The following FHIP1A variants were observed in gnomAD, a reference collection of about 807,000 sequenced individuals.
The protein encoded by FHIP1A is FHF complex subunit HOOK-interacting protein 1A.
FHIP1A carries 61 observed loss-of-function variants against 88.6 expected under a neutral mutation model. That is an observed-to-expected ratio of 0.69 (90% CI 0.56 to 0.85). The LOEUF is 0.85. Among genes scored for constraint, FHIP1A ranks in the 40% least tolerant of loss-of-function variants. FHIP1A has a pLI of 0.00. For missense variants in FHIP1A, 1,154 were observed against 1,273.5 expected (o/e 0.91, Z 1.43); for synonymous variants, 478 against 496.0 (o/e 0.96, Z 0.48).
chr4:151,495,374 C>T (rs764211117), intron 3 of FHIP1A, among the ~76,000 whole-genome samples: 8 of 151,602 alleles, frequency 5.3e-5, no homozygotes, highest in Non-Finnish European at 1.0e-4. Flanking sequence ...TGGTAGCACG[C>T]GCCTGTAGTC....
intron 7 of FHIP1A, among the ~76,000 whole-genome samples, chr4:151,605,237 A>G (rs955084977): frequency 3.0e-4 from 46 of 152,270 alleles, no homozygotes; most frequent in African/African-American, 1.1e-3. Context: ...AGGGTAGGGT[A>G]GTCTTTTGTT....
intron 3 of FHIP1A, among the ~76,000 whole-genome samples, chr4:151,503,833 C>G (rs1730733577): frequency 6.6e-6 from 1 of 152,190 alleles, no homozygotes; most frequent in South Asian, 2.1e-4. Flanking sequence ...AGCATAGACT[C>G]CCTGTGGGCA....
chr4:151,463,568 C>T (rs986087504), intron 2 of FHIP1A, among the ~76,000 whole-genome samples: 5 of 152,172 alleles, frequency 3.3e-5, no homozygotes, highest in African/African-American at 7.2e-5. Context: ...TAAAGCTACT[C>T]GTAAAATATA....
chr4:151,644,230 C>T (rs1578855179), intron 9 of FHIP1A, among the ~76,000 whole-genome samples: 1 of 152,196 alleles, frequency 6.6e-6, no homozygotes, highest in Admixed American at 6.5e-5. Context: ...GACAGATTTT[C>T]CCAGCTCTCA....
At chr4:151,613,215 T>C (rs907932478) in intron 7 of FHIP1A, among the ~76,000 whole-genome samples, 1 of 152,248 alleles carries the variant, frequency 6.6e-6, no homozygotes, top group Non-Finnish European at 1.5e-5. Context: ...CAAATCCTAT[T>C]ATTCCTGGGA....
At chr4:151,455,897 T>C (rs546097375) in intron 2 of FHIP1A, among the ~76,000 whole-genome samples, 1 of 152,326 alleles carries the variant, frequency 6.6e-6, no homozygotes, top group South Asian at 2.1e-4. Context: ...TAAAACACAG[T>C]TCCTGTTGAA....
At chr4:151,595,601 A>G (rs367829139) in intron 7 of FHIP1A, among the ~76,000 whole-genome samples, 1 of 152,156 alleles carries the variant, frequency 6.6e-6, no homozygotes, top group Non-Finnish European at 1.5e-5. Context: ...TGTCTCATTG[A>G]TCTGTCTAAT....
intron 3 of FHIP1A, among the ~76,000 whole-genome samples, chr4:151,536,527 T>TA (rs1438234678): frequency 4.6e-5 from 7 of 152,186 alleles, no homozygotes; most frequent in African/African-American, 1.7e-4. Context: ...ATTTTATCGT[T>TA]AAAAAATGTT....
In FHIP1A at chr4:151,447,050, T is replaced by C. The variant is rs746328777; in HGVS notation, c.-355-7651T>C. On this transcript the variant is annotated intron_variant, in intron 1 of 13. Transcript: ENST00000435205. ...CTTTTTTCCATTTAATGATTTACCC[T>C]GAAGTTAACCTAAGGGATATTTTCT... 2.0e-4 allele frequency among the ~76,000 whole-genome samples: 31 copies of C among 152,336 alleles called. No homozygotes were observed. In the Middle Eastern group the frequency reaches 0.01, roughly 50 times the overall value.
intron 3 of FHIP1A, among the ~76,000 whole-genome samples, chr4:151,552,650 G>A (rs905893685): frequency 5.3e-5 from 8 of 151,910 alleles, no homozygotes; most frequent in African/African-American, 1.2e-4. Context: ...ACAGGGTGGG[G>A]AACATCACAC....
chr4:151,440,332 G>A (rs962938494), intron 1 of FHIP1A, among the ~76,000 whole-genome samples: 1 of 152,214 alleles, frequency 6.6e-6, no homozygotes, highest in Non-Finnish European at 1.5e-5. Flanking sequence ...CTTCATGAAA[G>A]CAGGGGTCTT....
At chr4:151,504,443 A>G (rs984806631) in intron 3 of FHIP1A, among the ~76,000 whole-genome samples, 8 of 152,232 alleles carry the variant, frequency 5.3e-5, no homozygotes, top group African/African-American at 1.9e-4. Flanking sequence ...CTGTATCCCC[A>G]GATACTTCCT....
chr4:151,476,234 T>C (rs1374116838), intron 2 of FHIP1A, among the ~76,000 whole-genome samples: 1 of 143,850 alleles, frequency 7.0e-6, no homozygotes, highest in Non-Finnish European at 1.5e-5. Flanking sequence ...CTCAAACTCC[T>C]GGGCTCAAGC....
chr4:151,466,288 C>T (rs1346908910), intron 2 of FHIP1A, among the ~76,000 whole-genome samples: 2 of 152,112 alleles, frequency 1.3e-5, no homozygotes, highest in African/African-American at 2.4e-5. Flanking sequence ...CATGAAGGAA[C>T]TCTTCAAGGA....
intron 7 of FHIP1A, among the ~76,000 whole-genome samples, chr4:151,597,454 G>A (rs896265045): frequency 2.0e-5 from 3 of 152,152 alleles, no homozygotes; most frequent in Admixed American, 6.5e-5. Flanking sequence ...TCCTGTATGA[G>A]GTGTCTGTGG....
chr4:151,650,973 T>A (rs1737008914), intron 11 of FHIP1A, among the ~76,000 whole-genome samples: 1 of 152,172 alleles, frequency 6.6e-6, no homozygotes, highest in Non-Finnish European at 1.5e-5. Flanking sequence ...AATGACTGTC[T>A]CCCCCAGTAG....
intron 1 of FHIP1A, among the ~76,000 whole-genome samples, chr4:151,435,449 T>C (rs1156644222): frequency 1.3e-5 from 2 of 152,206 alleles, no homozygotes; most frequent in African/African-American, 4.8e-5. Context: ...ATTTGCCCTA[T>C]TTAACCTCCA....
chr4:151,544,887 G>A (rs571143546), intron 3 of FHIP1A, among the ~76,000 whole-genome samples: 3 of 152,198 alleles, frequency 2.0e-5, no homozygotes, highest in Admixed American at 2.0e-4. Context: ...GACCAGCCTG[G>A]GTAACATAGG....
At chr4:151,578,171 G>A in intron 5 of FHIP1A, 95 bp downstream of exon 5, 1 of 1,196,400 alleles carries the variant, frequency 8.4e-7, no homozygotes, top group Non-Finnish European at 1.1e-6. Flanking sequence ...TTTTCTCCCA[G>A]TAAGTTGTAC....
Sources: allele counts gnomAD v4.1 joint callset (sites outside exome capture counted in the v4.1 genomes callset), GRCh38; gene constraint gnomAD v4.1.1; transcripts MANE v1.5; gene names NCBI Gene and HGNC (gene_info 2026-07-23, HGNC 2026-07-21).